B3GALT1: variants seen among roughly 807,000 people sequenced by gnomAD.
B3GALT1 encodes beta-1,3-galactosyltransferase 1.
A neutral mutation model predicts 23.2 loss-of-function variants in B3GALT1; 10 were observed. That is an observed-to-expected ratio of 0.43 (90% CI 0.27 to 0.73). The LOEUF (loss-of-function observed/expected upper bound fraction) is 0.73, where lower values mean the gene tolerates loss of function less well. Among genes scored for constraint, B3GALT1 ranks in the 30% least tolerant of loss-of-function variants. B3GALT1 has a pLI of 0.21. For missense variants in B3GALT1, 299 were observed against 405.4 expected, an observed-to-expected ratio of 0.74 and a Z score of 2.25; for synonymous variants, 156 against 141.5, an observed-to-expected ratio of 1.10 and a Z score of -0.73.
chr2:167,362,760 G>T (rs545441893), intron 1 of B3GALT1, among the ~76,000 whole-genome samples: 29 of 152,272 alleles, frequency 1.9e-4, no homozygotes, highest in Non-Finnish European at 2.6e-4. Context: ...CGCATGTTGT[G>T]TGCAAAGTTC....
chr2:167,742,536 T>C (rs532355560), intron 3 of B3GALT1, among the ~76,000 whole-genome samples: 6 of 152,168 alleles, frequency 3.9e-5, no homozygotes, highest in Admixed American at 3.9e-4. Flanking sequence ...AATATGGGTG[T>C]GTAGCGGCAT....
intron 2 of B3GALT1, among the ~76,000 whole-genome samples, chr2:167,604,123 C>T (rs1339892143): frequency 6.6e-6 from 1 of 152,154 alleles, no homozygotes; most frequent in African/African-American, 2.4e-5. Flanking sequence ...CTGCAGTAAT[C>T]ATTTTCTTCA....
At chr2:167,530,734 C>A (rs1010688880) in intron 2 of B3GALT1, among the ~76,000 whole-genome samples, 1 of 152,214 alleles carries the variant, frequency 6.6e-6, no homozygotes, top group Admixed American at 6.5e-5. Flanking sequence ...ACAACTCTTT[C>A]AGCCATTCAC....
chr2:167,851,439 T>A (rs1362280874), intron 4 of B3GALT1, among the ~76,000 whole-genome samples: 2 of 152,196 alleles, frequency 1.3e-5, no homozygotes, highest in Non-Finnish European at 2.9e-5. Context: ...CACCCCAAAC[T>A]GTCTTCTCAA....
At chr2:167,618,126 C>T (rs905406170) in intron 2 of B3GALT1, among the ~76,000 whole-genome samples, 1 of 151,996 alleles carries the variant, frequency 6.6e-6, no homozygotes, top group African/African-American at 2.4e-5. Context: ...TTCTTGTTAC[C>T]TGTCCCTCTA....
chr2:167,669,794 A>T (rs1686289880), intron 3 of B3GALT1, among the ~76,000 whole-genome samples: 1 of 152,150 alleles, frequency 6.6e-6, no homozygotes, highest in Admixed American at 6.5e-5. Flanking sequence ...CTTATCAGGG[A>T]AAATGAGACA....
chr2:167,805,452 T>G (rs528648739), intron 3 of B3GALT1, among the ~76,000 whole-genome samples: 5 of 152,374 alleles, frequency 3.3e-5, no homozygotes, highest in Admixed American at 6.5e-5. Flanking sequence ...AGGGTTTTTA[T>G]GGTTTTAGGT....
At chr2:167,327,962 G>GGT (rs1696920328) in intron 1 of B3GALT1, among the ~76,000 whole-genome samples, 1 of 152,138 alleles carries the variant, frequency 6.6e-6, no homozygotes, top group Non-Finnish European at 1.5e-5. Context: ...TACTTTTTCT[G>GGT]CATCTATTGA....
Position 167,826,070 on chromosome 2 carries a change from C to A in B3GALT1, c.-230+7277C>A, listed in dbSNP as rs1689218075. 2.0e-5 allele frequency among the ~76,000 whole-genome samples: 3 copies of A among 152,154 alleles called. No homozygotes were observed. The South Asian group carries it at 6.2e-4, about 32-fold the overall frequency. On this transcript the variant is annotated intron_variant, in intron 4 of 4. Coordinates refer to ENST00000392690, the MANE Select transcript of B3GALT1 (RefSeq NM_020981.4). Reference sequence around the variant, plus strand: ...TGCCATACAATTTCCCTCAAATGGGCTTTCCTTGACATTCTTCAGCTGAGA... The same window carrying A: ...TGCCATACAATTTCCCTCAAATGGGATTTCCTTGACATTCTTCAGCTGAGA...
intron 1 of B3GALT1, among the ~76,000 whole-genome samples, chr2:167,437,002 C>T (rs1305279493): frequency 3.3e-5 from 5 of 152,130 alleles, no homozygotes; most frequent in Admixed American, 3.3e-4. Flanking sequence ...GTTCTTGTGG[C>T]ATTATGGAGA....
intron 1 of B3GALT1, among the ~76,000 whole-genome samples, chr2:167,373,855 G>A (rs1408421113): frequency 6.6e-6 from 1 of 152,044 alleles, no homozygotes; most frequent in Non-Finnish European, 1.5e-5. Context: ...CATTGCCTCT[G>A]GTCCTTAACT....
At chr2:167,669,347 A>G (rs924553632) in intron 3 of B3GALT1, among the ~76,000 whole-genome samples, 2 of 152,236 alleles carry the variant, frequency 1.3e-5, no homozygotes, top group South Asian at 4.1e-4. Context: ...AAATTCAAAT[A>G]AGTTCTTGAA....
At chr2:167,498,679 A>C (rs1049766646) in intron 2 of B3GALT1, among the ~76,000 whole-genome samples, 13 of 152,118 alleles carry the variant, frequency 8.5e-5, no homozygotes, top group Admixed American at 8.5e-4. Flanking sequence ...ATTAAAGTTG[A>C]TGTGATAGAT....
chr2:167,814,088 G>A (rs1688943407), intron 3 of B3GALT1, among the ~76,000 whole-genome samples: 1 of 152,130 alleles, frequency 6.6e-6, no homozygotes, highest in South Asian at 2.1e-4. Flanking sequence ...ACAAGTAAAG[G>A]CATAGCAATA....
At chr2:167,807,119 T>G (rs1289003652) in intron 3 of B3GALT1, among the ~76,000 whole-genome samples, 2 of 152,222 alleles carry the variant, frequency 1.3e-5, no homozygotes, top group African/African-American at 4.8e-5. Flanking sequence ...TTTATAGTAT[T>G]CTCTGATGGT....
intron 1 of B3GALT1, among the ~76,000 whole-genome samples, chr2:167,327,145 T>G (rs1373541100): frequency 1.3e-5 from 2 of 152,178 alleles, no homozygotes; most frequent in Non-Finnish European, 2.9e-5. Context: ...TTCCATGCTG[T>G]TTTGTTTACT....
intron 3 of B3GALT1, among the ~76,000 whole-genome samples, chr2:167,685,412 G>A (rs1686602715): frequency 6.6e-6 from 1 of 152,152 alleles, no homozygotes; most frequent in Non-Finnish European, 1.5e-5. Flanking sequence ...TCTAGTTAGA[G>A]TAAATAGAAA....
At chr2:167,612,017 T>C (rs1685075996) in intron 2 of B3GALT1, among the ~76,000 whole-genome samples, 1 of 152,074 alleles carries the variant, frequency 6.6e-6, no homozygotes, top group African/African-American at 2.4e-5. Context: ...TTCCTAACGT[T>C]ACTGGCAGAT....
At chr2:167,503,400 A>G (rs1005264732) in intron 2 of B3GALT1, among the ~76,000 whole-genome samples, 1 of 152,216 alleles carries the variant, frequency 6.6e-6, no homozygotes, top group Non-Finnish European at 1.5e-5. Flanking sequence ...GTTCCTGAAC[A>G]CTGGCAAAAA....
Sources: gnomAD v4.1 joint callset for allele counts (sites outside exome capture counted in the v4.1 genomes callset) on GRCh38, gnomAD v4.1.1 for gene constraint, MANE v1.5 for transcripts, NCBI Gene and HGNC (gene_info 2026-07-23, HGNC 2026-07-21) for gene names.